Variants in ARID5B observed in about 807,000 individuals in gnomAD.
ARID5B encodes AT-rich interactive domain-containing protein 5B.
In ARID5B, 13 loss-of-function variants were observed where a neutral mutation model predicts 97.2. That is an observed-to-expected ratio of 0.13 (90% confidence interval 0.09 to 0.21). ARID5B has a LOEUF of 0.21. Ranked by LOEUF, ARID5B falls within the 10% of genes least tolerant of loss-of-function variation. The pLI, the probability that ARID5B is intolerant of heterozygous loss-of-function variation, is 1.00. For missense variants in ARID5B, 1,210 were observed against 1,465.3 expected (o/e 0.83, Z 2.84); for synonymous variants, 556 against 570.3 (o/e 0.97, Z 0.36).
chr10:62,085,598 C>A, intron 8 of ARID5B, 104 bp from the exon 9 acceptor site: 1 of 904,082 alleles, frequency 1.1e-6, no homozygotes. Flanking sequence ...GAGATGAAGT[C>A]ATTTAATAAT....
At chr10:62,078,429 C>T (rs902217943) in intron 8 of ARID5B, among the ~76,000 whole-genome samples, 1 of 152,196 alleles carries the variant, frequency 6.6e-6, no homozygotes, top group African/African-American at 2.4e-5. Flanking sequence ...GTTAAGGCTG[C>T]AGTAAGCCGT....
intron 8 of ARID5B, among the ~76,000 whole-genome samples, chr10:62,079,218 A>AT: frequency 6.6e-6 from 1 of 152,330 alleles, no homozygotes; most frequent in Non-Finnish European, 1.5e-5. Context: ...GAAGATGCAC[A>AT]GCCACCTTTT....
At chr10:61,990,691 A>C (rs1838911819) in intron 3 of ARID5B, among the ~76,000 whole-genome samples, 1 of 152,124 alleles carries the variant, frequency 6.6e-6, no homozygotes, top group Non-Finnish European at 1.5e-5. Flanking sequence ...CCAAGCATGC[A>C]TCTACACAGA....
At chr10:62,046,900 C>T (rs1185636275) in intron 4 of ARID5B, 1 of 152,200 alleles carries the variant, frequency 6.6e-6, no homozygotes, top group South Asian at 2.1e-4. Flanking sequence ...GCAGCACCCT[C>T]GTGCTATGTA....
chr10:61,978,120 CT>C (rs1838726224), intron 3 of ARID5B, among the ~76,000 whole-genome samples: 1 of 152,194 alleles, frequency 6.6e-6, no homozygotes, highest in Admixed American at 6.5e-5. Context: ...ATAGGGAATC[CT>C]TTCCCCATTC....
chr10:61,943,329 T>G (rs1335326825), intron 3 of ARID5B, among the ~76,000 whole-genome samples: 1 of 152,212 alleles, frequency 6.6e-6, no homozygotes, highest in East Asian at 1.9e-4. Flanking sequence ...TCTCCTTTTC[T>G]GTTGGTCACA....
rs192445810 is a variant in ARID5B at position 62,005,543 on chromosome 10, C to T, written c.733+5222C>T. ...TATAATAGAACTTTAATGGAAAAGA[C>T]GAGTTTTCTACTTTTTACAGTATGT... is the stretch of plus-strand genomic sequence containing the variant. On this transcript the variant is annotated intron_variant, in intron 4 of 9. Coordinates refer to ENST00000279873, the MANE Select transcript of ARID5B (RefSeq NM_032199.3). 4.7e-4 allele frequency among the ~76,000 whole-genome samples: 72 copies of T among 152,270 alleles called. 1 individual carries two copies. In the East Asian group the frequency reaches 8.7e-3, roughly 18 times the overall value.
At chr10:62,004,755 T>C (rs1279759008) in intron 4 of ARID5B, among the ~76,000 whole-genome samples, 1 of 152,254 alleles carries the variant, frequency 6.6e-6, no homozygotes, top group Non-Finnish European at 1.5e-5. Context: ...CACTTTGTAA[T>C]GCACAGTGTT....
intron 7 of ARID5B, among the ~76,000 whole-genome samples, chr10:62,063,674 T>C (rs751922044): frequency 3.3e-5 from 5 of 152,256 alleles, no homozygotes; most frequent in Non-Finnish European, 7.3e-5. Flanking sequence ...TGGATTTGAT[T>C]TCCTACAAAA....
chr10:61,916,023 T>G (rs1843897100), intron 2 of ARID5B, among the ~76,000 whole-genome samples: 2 of 152,150 alleles, frequency 1.3e-5, no homozygotes, highest in Admixed American at 1.3e-4. Flanking sequence ...CCCAAAGTGC[T>G]AGGATTACAG....
intron 3 of ARID5B, among the ~76,000 whole-genome samples, chr10:61,965,997 T>C (rs1838539549): frequency 6.6e-6 from 1 of 152,226 alleles, no homozygotes; most frequent in Admixed American, 6.5e-5. Flanking sequence ...TTCTAAATCA[T>C]CCTTTTAAAA....
chr10:62,026,211 A>G (rs1283666167), intron 4 of ARID5B, among the ~76,000 whole-genome samples: 2 of 152,252 alleles, frequency 1.3e-5, no homozygotes, highest in Non-Finnish European at 2.9e-5. Context: ...AGAACTGCCA[A>G]ATGGAGTGAG....
Position 62,091,924 on chromosome 10 carries a change from C to A in ARID5B, c.2461C>A (p.His821Asn), listed in dbSNP as rs147521761. ...ACTCTTAGAGAAAAGGGCCCTCCCC[C>A]ATTCCCACATGCCTAGCTTCCTGGC... ...DKLLEKRALP[H>N]SHMPSFLADF... Residue 821 changes from histidine to asparagine, a missense_variant, in exon 10 of 10, where the codon CAT becomes AAT. His to Asn is a moderately conservative substitution (Grantham distance 68). Coordinates refer to ENST00000279873, the MANE Select transcript of ARID5B (RefSeq NM_032199.3). The A allele has an allele frequency of 7.7e-5, 125 of 1,613,828 alleles. No homozygotes were observed. In the African/African-American group the frequency reaches 1.5e-3, roughly 20 times the overall value.
intron 2 of ARID5B, among the ~76,000 whole-genome samples, chr10:61,920,870 C>A (rs1408774084): frequency 1.3e-5 from 2 of 152,076 alleles, no homozygotes; most frequent in East Asian, 1.9e-4. Context: ...TTCAAGTTAG[C>A]CATACTTGGC....
chr10:62,058,212 C>T (rs1428594182), intron 6 of ARID5B, among the ~76,000 whole-genome samples: 1 of 152,154 alleles, frequency 6.6e-6, no homozygotes, highest in African/African-American at 2.4e-5. Flanking sequence ...TGTCTGAAAA[C>T]TGGTTGCTTG....
chr10:61,998,237 T>C (rs1839028435), intron 3 of ARID5B, among the ~76,000 whole-genome samples: 1 of 152,254 alleles, frequency 6.6e-6, no homozygotes, highest in African/African-American at 2.4e-5. Flanking sequence ...GTACTGGTTA[T>C]GTTCCATCAT....
At chr10:62,017,820 G>A (rs559986193) in intron 4 of ARID5B, among the ~76,000 whole-genome samples, 38 of 152,222 alleles carry the variant, frequency 2.5e-4, no homozygotes, top group African/African-American at 8.7e-4. Flanking sequence ...CAAGTTTTGT[G>A]TTCTGCTACT....
chr10:61,942,178 A>C (rs1304677132), intron 3 of ARID5B, among the ~76,000 whole-genome samples: 1 of 152,202 alleles, frequency 6.6e-6, no homozygotes, highest in Non-Finnish European at 1.5e-5. Context: ...AAAATGGATA[A>C]TTTATTAATG....
chr10:61,970,355 C>A (rs575470938), intron 3 of ARID5B, among the ~76,000 whole-genome samples: 1 of 152,140 alleles, frequency 6.6e-6, no homozygotes, highest in Non-Finnish European at 1.5e-5. Flanking sequence ...TGGAGGAACA[C>A]GAAGGTGAAT....
Sources: allele counts gnomAD v4.1 joint callset (sites outside exome capture counted in the v4.1 genomes callset), GRCh38; gene constraint gnomAD v4.1.1; transcripts MANE v1.5; gene names NCBI Gene and HGNC (gene_info 2026-07-23, HGNC 2026-07-21).